Variants in ABCC4 observed in about 807,000 individuals in gnomAD.
ABCC4 encodes ATP binding cassette subfamily C member 4 (PEL blood group), also known as ATP-binding cassette sub-family C member 4.
ABCC4 carries 102 observed loss-of-function variants against 168.5 expected under a neutral mutation model. The ratio of observed to expected loss-of-function variants is 0.61; its 90% CI spans 0.52 to 0.71. The LOEUF (loss-of-function observed/expected upper bound fraction) is 0.71. Among genes scored for constraint, ABCC4 ranks in the 30% least tolerant of loss-of-function variants. ABCC4 has a pLI of 0.00. For missense variants in ABCC4, 1,402 were observed against 1,605.8 expected (o/e 0.87, Z 2.17); for synonymous variants, 617 against 590.7 (o/e 1.04, Z -0.65).
At chr13:95,295,426 G>C (rs181833824) in intron 1 of ABCC4, among the ~76,000 whole-genome samples, 1 of 151,632 alleles carries the variant, frequency 6.6e-6, no homozygotes, top group African/African-American at 2.4e-5. Context: ...TTGGGAGGCC[G>C]AGGTGGGTAG....
chr13:95,290,468 G>GC (rs1261993112), intron 1 of ABCC4, among the ~76,000 whole-genome samples: 1 of 152,132 alleles, frequency 6.6e-6, no homozygotes, highest in Non-Finnish European at 1.5e-5. Flanking sequence ...ACTTTGGGAG[G>GC]CCAAGGTAGG....
At chr13:95,239,530 T>G (rs2039873417) in intron 3 of ABCC4, among the ~76,000 whole-genome samples, 1 of 152,188 alleles carries the variant, frequency 6.6e-6, no homozygotes, top group African/African-American at 2.4e-5. Flanking sequence ...TTGCAAAGAC[T>G]AATAGTATAC....
Position 95,061,288 on chromosome 13 carries a change from T to A in ABCC4, c.3366+1416A>T, listed in dbSNP as rs551685670. Among the ~76,000 whole-genome samples the A allele has an allele frequency of 3.9e-5, 6 of 152,302 alleles. No homozygotes were observed. In the East Asian group the frequency reaches 1.2e-3, roughly 29 times the overall value. On this transcript the variant is annotated intron_variant, in intron 26 of 30. Transcript: ENST00000645237. ...CTCATTTTTTGAGGAATCTCTACAG[T>A]GTTTTCCAAAGTGGCTGCACCATTT...
At chr13:95,107,696 G>A (rs539862204) in intron 20 of ABCC4, among the ~76,000 whole-genome samples, 2 of 152,178 alleles carry the variant, frequency 1.3e-5, no homozygotes, top group South Asian at 4.2e-4. Flanking sequence ...GGAGGCTGAG[G>A]TGAGTGGATC....
intron 19 of ABCC4, among the ~76,000 whole-genome samples, chr13:95,130,726 G>A (rs765686125): frequency 6.6e-6 from 1 of 152,056 alleles, no homozygotes; most frequent in Non-Finnish European, 1.5e-5. Flanking sequence ...GTGAGTTTAA[G>A]GGGGAAAAAG....
At chr13:95,136,492 G>C (rs918592496) in intron 19 of ABCC4, among the ~76,000 whole-genome samples, 19 of 152,178 alleles carry the variant, frequency 1.2e-4, no homozygotes, top group African/African-American at 4.6e-4. Context: ...AAGCATCTGG[G>C]TAACTTTGGT....
chr13:95,077,783 C>T (rs893074502), intron 21 of ABCC4, among the ~76,000 whole-genome samples: 4 of 152,112 alleles, frequency 2.6e-5, no homozygotes, highest in South Asian at 2.1e-4. Context: ...ATCCCCATGC[C>T]GATCTGTGCT....
At chr13:95,025,467 C>T (rs61967162) in intron 30 of ABCC4, among the ~76,000 whole-genome samples, 316 of 1,050 alleles carry the variant, frequency 0.3, 120 homozygotes, top group East Asian at 0.82. Flanking sequence ...CACACACCCA[C>T]ACACCCATAC....
intron 26 of ABCC4, among the ~76,000 whole-genome samples, chr13:95,058,599 AAAAAGAAAAAG>A: frequency 7.3e-6 from 1 of 137,876 alleles, no homozygotes; most frequent in African/African-American, 3.0e-5. Context: ...AAAAGAAAAG[AAAAAGAAAAAG>A]AAAAGAAAAA....
At chr13:95,118,169 G>A (rs539400405) in intron 19 of ABCC4, among the ~76,000 whole-genome samples, 1 of 152,228 alleles carries the variant, frequency 6.6e-6, no homozygotes, top group East Asian at 1.9e-4. Flanking sequence ...AGTGTAGAAA[G>A]TGTAAGATTA....
chr13:95,084,921 C>A (rs1168892941), intron 20 of ABCC4, among the ~76,000 whole-genome samples: 2 of 152,236 alleles, frequency 1.3e-5, no homozygotes, highest in Non-Finnish European at 2.9e-5. Flanking sequence ...TTTCAGTATT[C>A]ATCTTTATTA....
intron 26 of ABCC4, among the ~76,000 whole-genome samples, chr13:95,058,567 CAAAAAAAAA>C (rs1165324016): frequency 1.6e-4 from 10 of 62,792 alleles, no homozygotes; most frequent in Admixed American, 2.4e-4. Flanking sequence ...GACTCCATCT[CAAAAAAAAA>C]AAAAAAAAAA....
chr13:95,054,859 T>C (rs1189446), intron 26 of ABCC4, among the ~76,000 whole-genome samples: 109,020 of 152,112 alleles, frequency 0.72, 40,694 homozygotes, highest in South Asian at 0.82. Flanking sequence ...AAAAATGATA[T>C]CCAGGGAGGC....
At chr13:95,274,066 T>C (rs1250879756) in intron 1 of ABCC4, among the ~76,000 whole-genome samples, 2 of 152,144 alleles carry the variant, frequency 1.3e-5, no homozygotes, top group Non-Finnish European at 2.9e-5. Context: ...CTAAACCTCT[T>C]CTTTTGTAAA....
chr13:95,223,499 TTTTG>T (rs952515025), intron 4 of ABCC4, among the ~76,000 whole-genome samples: 10 of 152,094 alleles, frequency 6.6e-5, no homozygotes, highest in South Asian at 4.1e-4. Flanking sequence ...GTGTAAAGTT[TTTTG>T]TTTGTTTGTT....
chr13:95,163,791 G>C (rs1022170053), intron 16 of ABCC4, 144 bp from the exon 17 acceptor site: 1 of 668,496 alleles, frequency 1.5e-6, no homozygotes, highest in Non-Finnish European at 2.6e-6. Flanking sequence ...CCAGCACTTT[G>C]GGAGGCTGAG....
intron 29 of ABCC4, among the ~76,000 whole-genome samples, chr13:95,035,062 G>A (rs2032060250): frequency 6.6e-6 from 1 of 152,170 alleles, no homozygotes; most frequent in African/African-American, 2.4e-5. Flanking sequence ...TTAACTCTCA[G>A]ACTCTCAGCC....
At chr13:95,030,527 T>C (rs2139213569) in intron 30 of ABCC4, among the ~76,000 whole-genome samples, 1 of 152,318 alleles carries the variant, frequency 6.6e-6, no homozygotes, top group South Asian at 2.1e-4. Flanking sequence ...TGACTGTATT[T>C]GGAGAAAGTC....
intron 19 of ABCC4, among the ~76,000 whole-genome samples, chr13:95,132,696 G>A (rs535116409): frequency 2.2e-4 from 34 of 152,254 alleles, no homozygotes; most frequent in Middle Eastern, 6.8e-3. Flanking sequence ...TACAGAGGCT[G>A]GCTGACTGTA....
Sources: gnomAD v4.1 joint callset for allele counts (sites outside exome capture counted in the v4.1 genomes callset) on GRCh38, gnomAD v4.1.1 for gene constraint, MANE v1.5 for transcripts, NCBI Gene and HGNC (gene_info 2026-07-23, HGNC 2026-07-21) for gene names.